Variants in PEX5L observed in about 807,000 individuals in gnomAD.
PEX5L encodes peroxisomal biogenesis factor 5 like, also known as PEX5-related protein.
Under a neutral mutation model 84.0 loss-of-function variants are expected in PEX5L, and 30 were observed. That is an observed-to-expected ratio of 0.36 (90% CI 0.27 to 0.48). The LOEUF is 0.48. Among genes scored for constraint, PEX5L ranks in the 20% least tolerant of loss-of-function variants. The pLI is 0.99. For synonymous variants in PEX5L, 270 were observed against 283.1 expected, an observed-to-expected ratio of 0.95 and a Z score of 0.46; for missense variants, 533 against 754.6, an observed-to-expected ratio of 0.71 and a Z score of 3.44.
chr3:180,004,273 A>G (rs1788677668), intron 1 of PEX5L, among the ~76,000 whole-genome samples: 1 of 152,230 alleles, frequency 6.6e-6, no homozygotes, highest in South Asian at 2.1e-4. Context: ...AGTCAGACAC[A>G]TCAGATTATA....
At chr3:179,819,757 T>A in intron 9 of PEX5L, 103 bp downstream of exon 9, 2 of 988,780 alleles carry the variant, frequency 2.0e-6, no homozygotes, top group Non-Finnish European at 1.5e-6. Flanking sequence ...ATTGTCTTTT[T>A]AATTACTGTG....
At chr3:180,029,612 T>C (rs1791274550) in intron 1 of PEX5L, among the ~76,000 whole-genome samples, 1 of 152,216 alleles carries the variant, frequency 6.6e-6, no homozygotes, top group Non-Finnish European at 1.5e-5. Flanking sequence ...GCCTCTGTGA[T>C]GTCAGAAAGC....
chr3:180,011,951 T>C (rs962114119), intron 1 of PEX5L, among the ~76,000 whole-genome samples: 1 of 152,352 alleles, frequency 6.6e-6, no homozygotes, highest in East Asian at 1.9e-4. Flanking sequence ...CTATCTGAGA[T>C]GAAGCCATAA....
chr3:179,973,925 T>C, intron 1 of PEX5L: 8 of 985,492 alleles, frequency 8.1e-6, no homozygotes, highest in Non-Finnish European at 9.6e-6. Context: ...CTTACAGTTT[T>C]ACTCTAGAAT....
At chr3:179,963,588 C>A (rs1172630422) in intron 2 of PEX5L, among the ~76,000 whole-genome samples, 6 of 152,158 alleles carry the variant, frequency 3.9e-5, no homozygotes, top group African/African-American at 1.4e-4. Context: ...AAACTGGACC[C>A]CATGGGTTGT....
chr3:179,952,536 G>A (rs1455041255), intron 2 of PEX5L, among the ~76,000 whole-genome samples: 2 of 151,938 alleles, frequency 1.3e-5, no homozygotes, highest in Non-Finnish European at 2.9e-5. Flanking sequence ...AGCATACATC[G>A]TATCTATTCA....
At chr3:179,829,943 A>ATTTTTTT (rs11352022) in intron 8 of PEX5L, among the ~76,000 whole-genome samples, 268 of 83,590 alleles carry the variant, frequency 3.2e-3, no homozygotes, top group African/African-American at 7.5e-3. Context: ...GGCCTGGCTA[A>ATTTTTTT]TTTTTTTTTT....
chr3:179,839,215 T>G (rs1270005632), intron 8 of PEX5L, among the ~76,000 whole-genome samples: 1 of 152,148 alleles, frequency 6.6e-6, no homozygotes, highest in Admixed American at 6.5e-5. Context: ...CAAAATTAGG[T>G]GTGGATTAAA....
intron 1 of PEX5L, among the ~76,000 whole-genome samples, chr3:179,991,510 T>C (rs1787372743): frequency 2.6e-5 from 4 of 152,166 alleles, no homozygotes; most frequent in Admixed American, 2.0e-4. Context: ...AGCATCCTTT[T>C]TTTTCCCCCT....
intron 7 of PEX5L, among the ~76,000 whole-genome samples, chr3:179,861,576 G>C (rs897386458): frequency 6.6e-6 from 1 of 152,218 alleles, no homozygotes; most frequent in Non-Finnish European, 1.5e-5. Context: ...GCGCCTCACT[G>C]TTGGGTGGGC....
intron 2 of PEX5L, among the ~76,000 whole-genome samples, chr3:179,916,807 TTACA>T (rs1460464085): frequency 4.6e-5 from 7 of 151,970 alleles, no homozygotes; most frequent in Admixed American, 1.3e-4. Context: ...GCGGCTAGGA[TTACA>T]GGTGCACACC....
chr3:179,868,027 ATTC>A lies in PEX5L; in HGVS notation c.726+6297_726+6299del, dbSNP rs766639759. ...CAAATGCTTTATTATTTATGTATTT[ATTC>A]TTCTTCTTCTTCTTTTTTTTTTTTT... On this transcript the variant is annotated intron_variant, in intron 7 of 14. Transcript: ENST00000467460. Among the ~76,000 whole-genome samples the A allele has an allele frequency of 2.2e-3, 315 of 144,258 alleles. 14 individuals carry two copies. Among genetic ancestry groups the A allele is most frequent in the Middle Eastern group, 0.015 (4 of 272 alleles). 94.6% of individuals were successfully genotyped at this position (144,258 alleles called of 152,430 possible).
At chr3:179,881,353 T>C (rs1260105263) in intron 4 of PEX5L, 2 of 152,270 alleles carry the variant, frequency 1.3e-5, no homozygotes, top group Non-Finnish European at 2.9e-5. Flanking sequence ...ACTTTACTCT[T>C]AATAATCTTG....
intron 1 of PEX5L, among the ~76,000 whole-genome samples, chr3:180,024,373 T>TATATATATATATATATATAC (rs1396023654): frequency 8.9e-5 from 7 of 78,984 alleles, no homozygotes; most frequent in South Asian, 3.3e-4. Flanking sequence ...TATATATATA[T>TATATATATATATATATATAC]ACACACACAA....
At chr3:180,011,417 TAAGA>T in intron 1 of PEX5L, among the ~76,000 whole-genome samples, 1 of 152,280 alleles carries the variant, frequency 6.6e-6, no homozygotes, top group Middle Eastern at 3.4e-3. Flanking sequence ...CTGTATATCG[TAAGA>T]AAACAGTAGC....
At chr3:179,926,223 T>C (rs1359224658) in intron 2 of PEX5L, among the ~76,000 whole-genome samples, 1 of 152,178 alleles carries the variant, frequency 6.6e-6, no homozygotes, top group African/African-American at 2.4e-5. Context: ...GAACTGGTCC[T>C]CTTGCTGCTG....
intron 1 of PEX5L, chr3:179,973,565 A>G (rs748437856): frequency 3.1e-5 from 30 of 974,204 alleles, no homozygotes; most frequent in Non-Finnish European, 3.5e-5. Flanking sequence ...CTGCATATGG[A>G]CTCTTCAGCC....
At chr3:179,967,775 C>G (rs1468054000) in intron 2 of PEX5L, among the ~76,000 whole-genome samples, 3 of 152,134 alleles carry the variant, frequency 2.0e-5, no homozygotes, top group African/African-American at 7.2e-5. Flanking sequence ...TTTTCTCTGA[C>G]CCGGTGATTC....
intron 5 of PEX5L, among the ~76,000 whole-genome samples, chr3:179,876,495 T>TA (rs566975818): frequency 0.015 from 2,030 of 138,530 alleles, 37 homozygotes; most frequent in African/African-American, 0.036. Context: ...AAACTCTGTC[T>TA]AAAAAAAAAA....
Sources: allele counts gnomAD v4.1 joint callset (sites outside exome capture counted in the v4.1 genomes callset), GRCh38; gene constraint gnomAD v4.1.1; transcripts MANE v1.5; gene names NCBI Gene and HGNC (gene_info 2026-07-23, HGNC 2026-07-21).